RPS6KC1: variants seen among roughly 807,000 people sequenced by gnomAD.
The protein encoded by RPS6KC1 is ribosomal protein S6 kinase C1.
RPS6KC1 carries 54 observed loss-of-function variants against 103.8 expected under a neutral mutation model. The ratio of observed to expected loss-of-function variants is 0.52; its 90% CI spans 0.42 to 0.65. RPS6KC1 has a LOEUF of 0.65. RPS6KC1 is among the 30% of genes least tolerant of loss of function. RPS6KC1 has a pLI of 0.00. For missense variants in RPS6KC1, 1,151 were observed against 1,253.8 expected (o/e 0.92, Z 1.24); for synonymous variants, 439 against 438.7 (o/e 1.00, Z -0.01).
At chr1:213,590,567 A>G in the RPS6KC1 span, among the ~76,000 whole-genome samples, 1 of 152,196 alleles carries the variant, frequency 6.6e-6, no homozygotes, top group Non-Finnish European at 1.5e-5. Context: ...GTGGGAGCTC[A>G]GAAGCTGGGA....
the RPS6KC1 span, among the ~76,000 whole-genome samples, chr1:213,718,817 C>T: frequency 5.9e-5 from 9 of 152,316 alleles, no homozygotes; most frequent in East Asian, 1.9e-4. Context: ...TGGTTAACAA[C>T]GCAGATTTGG....
At chr1:213,596,762 C>T in the RPS6KC1 span, among the ~76,000 whole-genome samples, 4 of 152,352 alleles carry the variant, frequency 2.6e-5, no homozygotes, top group South Asian at 8.3e-4. Context: ...TTTCTTGGCT[C>T]TGTTCATTAT....
the RPS6KC1 span, among the ~76,000 whole-genome samples, chr1:213,571,159 C>A: frequency 6.6e-6 from 1 of 152,114 alleles, no homozygotes; most frequent in Non-Finnish European, 1.5e-5. Flanking sequence ...ATACCTTTTT[C>A]TTCCCTGTCT....
At chr1:213,805,401 T>C in the RPS6KC1 span, among the ~76,000 whole-genome samples, 1 of 152,292 alleles carries the variant, frequency 6.6e-6, no homozygotes, top group Non-Finnish European at 1.5e-5. Flanking sequence ...TGTAACATTC[T>C]AATCCTTTGT....
the RPS6KC1 span, among the ~76,000 whole-genome samples, chr1:213,773,626 G>T: frequency 3.3e-5 from 5 of 151,474 alleles, no homozygotes; most frequent in Non-Finnish European, 7.4e-5. Context: ...TTTTATGTTT[G>T]TGGTGACTGG....
the RPS6KC1 span, among the ~76,000 whole-genome samples, chr1:213,509,187 G>A: frequency 6.6e-6 from 1 of 152,200 alleles, no homozygotes; most frequent in South Asian, 2.1e-4. Flanking sequence ...GGGCAAGCCA[G>A]TACATACGAT....
the RPS6KC1 span, among the ~76,000 whole-genome samples, chr1:213,779,704 C>T: frequency 6.6e-6 from 1 of 152,164 alleles, no homozygotes; most frequent in East Asian, 1.9e-4. Context: ...ACCATGAGAA[C>T]CAGTTAGTTC....
chr1:213,631,830 T>C, the RPS6KC1 span, among the ~76,000 whole-genome samples: 1 of 152,278 alleles, frequency 6.6e-6, no homozygotes, highest in Admixed American at 6.5e-5. Flanking sequence ...AACTATATTT[T>C]AAAAGTATTA....
At chr1:213,240,130 G>A (rs1340520507) in intron 10 of RPS6KC1, among the ~76,000 whole-genome samples, 3 of 152,116 alleles carry the variant, frequency 2.0e-5, no homozygotes, top group African/African-American at 7.2e-5. Flanking sequence ...CATATTACAT[G>A]TAAGGCTGGG....
At chr1:213,363,770 CTTTCTTTCTTTCT>C in the RPS6KC1 span, among the ~76,000 whole-genome samples, 1 of 49,336 alleles carries the variant, frequency 2.0e-5, no homozygotes. Flanking sequence ...TTCTTTCTTT[CTTTCTTTCTTTCT>C]TTCTTTCTTT....
chr1:213,230,492 T>C lies in RPS6KC1; in HGVS notation c.1045-5T>C, dbSNP rs2094068358. ...AATAAATTATTACTCGTGTCTTTTATGTAGGTTTTACTTGTAATGGACACA... is the reference window on the plus strand; with the variant it reads ...AATAAATTATTACTCGTGTCTTTTACGTAGGTTTTACTTGTAATGGACACA... On this transcript the variant is annotated splice_polypyrimidine_tract_variant and splice_region_variant and intron_variant, in intron 8 of 14. Transcript: ENST00000366960. 5 of 1,589,252 alleles carry C rather than the reference T, an allele frequency of 3.1e-6. No homozygotes were observed. In the East Asian group the frequency reaches 9.0e-5, roughly 29 times the overall value.
chr1:213,059,002 A>G (rs1047926384), intron 1 of RPS6KC1, among the ~76,000 whole-genome samples: 4 of 152,208 alleles, frequency 2.6e-5, no homozygotes, highest in African/African-American at 9.6e-5. Flanking sequence ...ACTATTTCGT[A>G]TTTTTGTAGC....
At chr1:213,836,304 C>A in the RPS6KC1 span, among the ~76,000 whole-genome samples, 1 of 151,998 alleles carries the variant, frequency 6.6e-6, no homozygotes, top group South Asian at 2.1e-4. Context: ...TATAATGCAA[C>A]CCTAATCAAA....
the RPS6KC1 span, among the ~76,000 whole-genome samples, chr1:213,465,080 T>C: frequency 1.3e-5 from 2 of 152,130 alleles, no homozygotes; most frequent in Non-Finnish European, 2.9e-5. Flanking sequence ...CAGGACAACT[T>C]CAAGGGCAGT....
the RPS6KC1 span, among the ~76,000 whole-genome samples, chr1:213,705,925 A>T: frequency 7.2e-5 from 11 of 152,284 alleles, no homozygotes; most frequent in South Asian, 2.3e-3. Flanking sequence ...CTCTTACTGT[A>T]CCTATGTTGC....
In RPS6KC1 at chr1:213,241,868, A is replaced by C. The variant is rs372285935; in HGVS notation, c.2392A>C (p.Lys798Gln). The C allele has an allele frequency of 3.7e-5, 60 of 1,613,936 alleles. No individual in the cohort carries two copies. The highest frequency in any genetic ancestry group is 3.3e-4 in the Middle Eastern group (2 of 6,084). ...GTCTTTGTTACCCAGCTCAGATCCTAAGTTTCAAGGACTTGGAGTGGTTGA... is the reference window on the plus strand; with the variant it reads ...GTCTTTGTTACCCAGCTCAGATCCTCAGTTTCAAGGACTTGGAGTGGTTGA... ...DMSLLPSSDP[K>Q]FQGLGVVESA... The change falls in exon 11 of 15, where the codon AAG becomes CAG. Residue 798 changes from lysine (K) to glutamine (Q), a missense_variant. Physicochemically the swap from Lys to Gln is moderately conservative, Grantham distance 53 (BLOSUM62 1). Transcript: ENST00000366960.
At chr1:213,283,189 G>A in the RPS6KC1 span, among the ~76,000 whole-genome samples, 29 of 152,210 alleles carry the variant, frequency 1.9e-4, no homozygotes, top group African/African-American at 6.3e-4. Flanking sequence ...GGGACTCTGC[G>A]AAACTGAGGC....
chr1:213,064,401 C>T (rs2078113237), intron 1 of RPS6KC1, among the ~76,000 whole-genome samples: 2 of 142,274 alleles, frequency 1.4e-5, no homozygotes, highest in Admixed American at 1.4e-4. Flanking sequence ...TTGTTTCACT[C>T]TTGTTGCCCA....
At chr1:213,447,382 C>T in the RPS6KC1 span, among the ~76,000 whole-genome samples, 1 of 152,090 alleles carries the variant, frequency 6.6e-6, no homozygotes, top group Non-Finnish European at 1.5e-5. Flanking sequence ...CTGCATCTGG[C>T]CTATAATGCC....
Sources: allele counts gnomAD v4.1 joint callset (sites outside exome capture counted in the v4.1 genomes callset), GRCh38; gene constraint gnomAD v4.1.1; transcripts MANE v1.5; gene names NCBI Gene and HGNC (gene_info 2026-07-23, HGNC 2026-07-21).